The following GALNTL6 variants were observed in gnomAD, a reference collection of about 807,000 sequenced individuals.
The protein encoded by GALNTL6 is polypeptide N-acetylgalactosaminyltransferase like 6, also known as polypeptide N-acetylgalactosaminyltransferase-like 6.
In GALNTL6, 46 loss-of-function variants were observed where a neutral mutation model predicts 73.7. The observed-to-expected ratio is 0.62, with a 90% CI of 0.49 to 0.80. GALNTL6 has a LOEUF of 0.80. GALNTL6 is among the 30% of genes least tolerant of loss of function. GALNTL6 has a pLI of 0.00. For missense variants in GALNTL6, 604 were observed against 755.0 expected, an observed-to-expected ratio of 0.80 and a Z score of 2.34; for synonymous variants, 259 against 263.7, an observed-to-expected ratio of 0.98 and a Z score of 0.17.
At chr4:172,772,925 G>A (rs1346704681) in intron 5 of GALNTL6, among the ~76,000 whole-genome samples, 2 of 152,176 alleles carry the variant, frequency 1.3e-5, no homozygotes, top group Non-Finnish European at 2.9e-5. Context: ...AGATGAAAAG[G>A]CAATGTGACA....
At chr4:172,065,722 A>T (rs926404761) in intron 2 of GALNTL6, among the ~76,000 whole-genome samples, 3 of 152,176 alleles carry the variant, frequency 2.0e-5, no homozygotes, top group Non-Finnish European at 4.4e-5. Flanking sequence ...TGGCTAATTT[A>T]TAAAGAAAAA....
At chr4:172,647,373 G>A (rs1365708746) in intron 5 of GALNTL6, among the ~76,000 whole-genome samples, 1 of 152,070 alleles carries the variant, frequency 6.6e-6, no homozygotes, top group Non-Finnish European at 1.5e-5. Flanking sequence ...TAGAATGAAA[G>A]TACAAAGCAA....
In GALNTL6 at chr4:172,375,786, A is replaced by G. The variant is rs1394489123; in HGVS notation, c.553+27097A>G. Among the ~76,000 whole-genome samples, 7 of 152,208 alleles carry G rather than the reference A, an allele frequency of 4.6e-5. No individual in the cohort carries two copies. In the East Asian group the frequency reaches 7.7e-4, roughly 17 times the overall value. ...TCCTAGACCACAAAGAGGACCAAGAAAAATCGGGTTTAGTGGCCCTTACCA... is the reference window on the plus strand; with the variant it reads ...TCCTAGACCACAAAGAGGACCAAGAGAAATCGGGTTTAGTGGCCCTTACCA... On this transcript the variant is annotated intron_variant, in intron 5 of 12. Coordinates refer to ENST00000506823, the MANE Select transcript of GALNTL6 (RefSeq NM_001034845.3).
chr4:172,213,533 G>A (rs538837154), intron 2 of GALNTL6, among the ~76,000 whole-genome samples: 2 of 152,228 alleles, frequency 1.3e-5, no homozygotes. Flanking sequence ...AAGGATCGTT[G>A]TATATGCTTA....
chr4:171,952,806 A>C (rs949465406), intron 2 of GALNTL6, among the ~76,000 whole-genome samples: 7 of 152,084 alleles, frequency 4.6e-5, no homozygotes, highest in Admixed American at 1.3e-4. Context: ...ACTTTTTTCA[A>C]AATCCTGTAC....
At chr4:172,722,713 G>C (rs1357944768) in intron 5 of GALNTL6, among the ~76,000 whole-genome samples, 2 of 152,066 alleles carry the variant, frequency 1.3e-5, no homozygotes, top group African/African-American at 2.4e-5. Flanking sequence ...GGTCAACCAA[G>C]GCAAAAAGGA....
intron 5 of GALNTL6, among the ~76,000 whole-genome samples, chr4:172,748,379 A>G (rs1560924670): frequency 6.6e-6 from 1 of 152,192 alleles, no homozygotes; most frequent in East Asian, 1.9e-4. Context: ...ATGGGAGGAA[A>G]CAAGAGTACT....
At chr4:172,826,295 C>T (rs1207362508) in intron 7 of GALNTL6, among the ~76,000 whole-genome samples, 1 of 152,212 alleles carries the variant, frequency 6.6e-6, no homozygotes, top group Non-Finnish European at 1.5e-5. Flanking sequence ...AGAATTGCTC[C>T]TTAGCGTCCG....
Position 173,040,250 on chromosome 4 carries a change from G to T in GALNTL6, c.*150G>T. ...ATGCCATGTCAAAGTAGGTTGTTTTGAAGAACTTCCTGCATCTGAAGAACT... is the reference window on the plus strand; with the variant it reads ...ATGCCATGTCAAAGTAGGTTGTTTTTAAGAACTTCCTGCATCTGAAGAACT... On this transcript the variant is annotated 3_prime_UTR_variant, in exon 13 of 13. Coordinates refer to ENST00000506823, the MANE Select transcript of GALNTL6 (RefSeq NM_001034845.3). 1.8e-6 allele frequency: 1 copy of T among 559,908 alleles called. No individual in the cohort carries two copies. The highest frequency in any genetic ancestry group is 3.6e-5 in the Admixed American group (1 of 27,824). The allele number at this position is 559,908 out of a possible 1,614,324, so 34.7% of individuals were successfully genotyped here.
chr4:172,790,165 T>C (rs1739914780), intron 5 of GALNTL6, among the ~76,000 whole-genome samples: 1 of 152,188 alleles, frequency 6.6e-6, no homozygotes, highest in South Asian at 2.1e-4. Flanking sequence ...GAAAAAGCTT[T>C]TGGTTCTGAG....
At chr4:173,008,147 T>C (rs1003764570) in intron 10 of GALNTL6, among the ~76,000 whole-genome samples, 18 of 152,318 alleles carry the variant, frequency 1.2e-4, no homozygotes, top group East Asian at 5.8e-4. Flanking sequence ...GTAGCCAAAC[T>C]GAAGCCAAAG....
At chr4:172,206,965 C>T (rs1192274764) in intron 2 of GALNTL6, among the ~76,000 whole-genome samples, 1 of 151,062 alleles carries the variant, frequency 6.6e-6, no homozygotes, top group Non-Finnish European at 1.5e-5. Context: ...CTACAGGCAC[C>T]CACCACCACG....
chr4:172,384,847 A>G (rs1743404612), intron 5 of GALNTL6, among the ~76,000 whole-genome samples: 1 of 152,010 alleles, frequency 6.6e-6, no homozygotes, highest in Non-Finnish European at 1.5e-5. Flanking sequence ...CCTGGGCTCA[A>G]TTGTTCCTTC....
intron 5 of GALNTL6, among the ~76,000 whole-genome samples, chr4:172,457,976 G>T (rs964502579): frequency 2.6e-5 from 4 of 152,054 alleles, no homozygotes; most frequent in Non-Finnish European, 5.9e-5. Context: ...ACACTCCTCA[G>T]CAAGTACAAA....
At chr4:172,255,621 T>A (rs1470705965) in intron 3 of GALNTL6, among the ~76,000 whole-genome samples, 1 of 151,476 alleles carries the variant, frequency 6.6e-6, no homozygotes, top group Admixed American at 6.6e-5. Flanking sequence ...TGTGTGCATA[T>A]GTATATTCAT....
chr4:172,139,440 C>T (rs1200957248), intron 2 of GALNTL6, among the ~76,000 whole-genome samples: 1 of 152,054 alleles, frequency 6.6e-6, no homozygotes, highest in Non-Finnish European at 1.5e-5. Flanking sequence ...GTTGAAAAAC[C>T]CAAGGCTTAA....
intron 2 of GALNTL6, among the ~76,000 whole-genome samples, chr4:172,091,176 A>G (rs1278611070): frequency 6.6e-6 from 1 of 152,162 alleles, no homozygotes; most frequent in Non-Finnish European, 1.5e-5. Flanking sequence ...ATTATTAATA[A>G]GACAAATTTA....
At chr4:172,618,936 A>G (rs1738847978) in intron 5 of GALNTL6, among the ~76,000 whole-genome samples, 1 of 151,980 alleles carries the variant, frequency 6.6e-6, no homozygotes, top group African/African-American at 2.4e-5. Flanking sequence ...GTTGGCCAGG[A>G]TGGTCTGGAT....
chr4:172,761,342 G>T (rs891744366), intron 5 of GALNTL6, among the ~76,000 whole-genome samples: 2 of 151,694 alleles, frequency 1.3e-5, no homozygotes, highest in African/African-American at 4.8e-5. Flanking sequence ...CACACTTTAG[G>T]GACCAATTTA....
Sources: gnomAD v4.1 joint callset for allele counts (sites outside exome capture counted in the v4.1 genomes callset) on GRCh38, gnomAD v4.1.1 for gene constraint, MANE v1.5 for transcripts, NCBI Gene and HGNC (gene_info 2026-07-23, HGNC 2026-07-21) for gene names.